SLC35F3: variants seen among roughly 807,000 people sequenced by gnomAD.
SLC35F3 encodes the protein putative thiamine transporter SLC35F3.
SLC35F3 carries 25 observed loss-of-function variants against 49.9 expected under a neutral mutation model. The observed-to-expected ratio is 0.50, with a 90% confidence interval of 0.37 to 0.70. The LOEUF is 0.70. Among genes scored for constraint, SLC35F3 ranks in the 30% least tolerant of loss-of-function variants. SLC35F3 has a pLI of 0.00. For synonymous variants in SLC35F3, 275 were observed against 265.4 expected (o/e 1.04, Z -0.35); for missense variants, 525 against 639.8 (o/e 0.82, Z 1.94).
intron 3 of SLC35F3, among the ~76,000 whole-genome samples, chr1:234,265,451 G>A (rs1457531226): frequency 1.3e-5 from 2 of 151,786 alleles, no homozygotes; most frequent in African/African-American, 4.8e-5. Flanking sequence ...GGGATTATAG[G>A]TGTGAGCCAC....
At chr1:234,247,457 T>G (rs1022836153) in intron 3 of SLC35F3, among the ~76,000 whole-genome samples, 10 of 151,944 alleles carry the variant, frequency 6.6e-5, no homozygotes, top group Non-Finnish European at 1.5e-5. Context: ...GTGGGTTGGT[T>G]GGTTGGTTGG....
At chr1:234,165,036 ATTTGTG>A (rs1431347296) in intron 2 of SLC35F3, among the ~76,000 whole-genome samples, 5 of 103,550 alleles carry the variant, frequency 4.8e-5, no homozygotes, top group South Asian at 3.5e-4. Flanking sequence ...TCTAGCTTCA[ATTTGTG>A]TGTGTGTGTG....
chr1:234,296,743 G>C (rs543368229), intron 3 of SLC35F3, among the ~76,000 whole-genome samples: 1 of 152,150 alleles, frequency 6.6e-6, no homozygotes, highest in African/African-American at 2.4e-5. Context: ...TAACCAGCTG[G>C]TCCCCAAAGA....
chr1:233,942,124 C>G (rs560284286), intron 2 of SLC35F3, among the ~76,000 whole-genome samples: 172 of 152,040 alleles, frequency 1.1e-3, no homozygotes, highest in Admixed American at 3.9e-3. Context: ...CCACACCCAG[C>G]TAATTTTTTG....
intron 2 of SLC35F3, among the ~76,000 whole-genome samples, chr1:234,005,521 C>G (rs985871920): frequency 6.6e-6 from 1 of 152,148 alleles, no homozygotes; most frequent in African/African-American, 2.4e-5. Flanking sequence ...GCTGCTGCTG[C>G]TGACGACAAA....
chr1:234,173,330 G>A (rs1209213341), intron 2 of SLC35F3, among the ~76,000 whole-genome samples: 1 of 152,212 alleles, frequency 6.6e-6, no homozygotes, highest in African/African-American at 2.4e-5. Context: ...AGCCCTGAAA[G>A]GTAGACACTC....
chr1:233,967,224 G>A (rs768823087), intron 2 of SLC35F3, among the ~76,000 whole-genome samples: 9 of 151,808 alleles, frequency 5.9e-5, no homozygotes, highest in Admixed American at 4.6e-4. Context: ...TATCATAGAC[G>A]CATTTCAATG....
At chr1:234,166,230 C>G (rs971318309) in intron 2 of SLC35F3, among the ~76,000 whole-genome samples, 1 of 152,006 alleles carries the variant, frequency 6.6e-6, no homozygotes, top group African/African-American at 2.4e-5. Flanking sequence ...ACCTCCTGTC[C>G]CCACACAGAC....
rs551470518 is a variant in SLC35F3 at position 233,907,062 on chromosome 1, AAAATT to A, written c.283+1308_283+1312del. ...GAAAAACCCTGGGCATGGGATAACA[AAAATT>A]AAACCCCATTGGAAACCATATTTCT... is the stretch of plus-strand genomic sequence containing the variant. On this transcript the variant is annotated intron_variant, in intron 2 of 7. Transcript: ENST00000366618. Among the ~76,000 whole-genome samples, 150 of 152,314 alleles carry A rather than the reference AAAATT, an allele frequency of 9.8e-4. 1 individual carries two copies. The highest frequency in any genetic ancestry group is 3.5e-3 in the African/African-American group (144 of 41,558).
chr1:234,214,256 G>T lies in SLC35F3; in HGVS notation c.284-17161G>T. The stretch of plus-strand genomic sequence containing the variant: ...AACCTCCAAGTAGGAGGCTGTGCGC[G>T]CGTGTGTGTGGAGTGGCTGCGCGGC... On this transcript the variant is annotated intron_variant, in intron 2 of 7. Transcript: ENST00000366618. The surrounding 1 kb of genome is among the most constrained non-coding windows in gnomAD (Gnocchi z 8.0). The T allele has an allele frequency of 8.0e-7, 1 of 1,249,834 alleles. No homozygotes were observed. Among genetic ancestry groups the T allele is most frequent in the Non-Finnish European group, 1.0e-6 (1 of 999,206 alleles). The allele number at this position is 1,249,834 out of a possible 1,614,324, so 77.4% of individuals were successfully genotyped here. A position where few individuals can be genotyped will look rare whatever the true frequency, so the allele number is the denominator to read the frequency against.
chr1:233,960,033 CT>C, intron 2 of SLC35F3, among the ~76,000 whole-genome samples: 1 of 152,334 alleles, frequency 6.6e-6, no homozygotes, highest in Non-Finnish European at 1.5e-5. Flanking sequence ...GCCTTTCTAT[CT>C]TCCTGCCTCC....
At chr1:233,955,083 A>G (rs1248376428) in intron 2 of SLC35F3, among the ~76,000 whole-genome samples, 1 of 152,052 alleles carries the variant, frequency 6.6e-6, no homozygotes, top group Non-Finnish European at 1.5e-5. Context: ...AACTCAGGTG[A>G]TCCACCTGCC....
At chr1:233,983,735 TA>T (rs1349657015) in intron 2 of SLC35F3, among the ~76,000 whole-genome samples, 1 of 152,076 alleles carries the variant, frequency 6.6e-6, no homozygotes, top group African/African-American at 2.4e-5. Context: ...AACTTCAAAT[TA>T]AAGTGAAATC....
intron 3 of SLC35F3, among the ~76,000 whole-genome samples, chr1:234,281,863 A>G (rs7555965): frequency 0.016 from 2,375 of 151,980 alleles, 52 homozygotes; most frequent in African/African-American, 0.055. Context: ...CATTGTGAAG[A>G]CCCAACCAAC....
intron 2 of SLC35F3, among the ~76,000 whole-genome samples, chr1:233,999,654 C>T (rs1050744386): frequency 6.6e-6 from 1 of 152,128 alleles, no homozygotes; most frequent in Non-Finnish European, 1.5e-5. Flanking sequence ...TACTGAGACT[C>T]TATCCCCCAG....
At position 234,100,902 on chromosome 1, in the gene SLC35F3, A is replaced by G. The variant is rs569268250; in HGVS notation, c.284-130515A>G. 1.8e-4 allele frequency among the ~76,000 whole-genome samples: 27 copies of G among 152,280 alleles called. 1 individual carries two copies. In the South Asian group the frequency reaches 5.0e-3, roughly 28 times the overall value. On this transcript the variant is annotated intron_variant, in intron 2 of 7. Coordinates refer to ENST00000366618, the MANE Select transcript of SLC35F3 (RefSeq NM_173508.4). The stretch of plus-strand genomic sequence containing the variant: ...ACTTTGTGATTCATGCCTCGATTGC[A>G]TATACACAGTGTTTTCCGGAGCTCT...
At chr1:234,087,707 C>G (rs1572046969) in intron 2 of SLC35F3, among the ~76,000 whole-genome samples, 1 of 152,314 alleles carries the variant, frequency 6.6e-6, no homozygotes, top group Non-Finnish European at 1.5e-5. Context: ...TCAACCCACC[C>G]AGAAACAAAT....
intron 3 of SLC35F3, among the ~76,000 whole-genome samples, chr1:234,236,939 A>ATATATATATG (rs1230359546): frequency 1.0e-5 from 1 of 99,356 alleles, no homozygotes; most frequent in African/African-American, 3.8e-5. Context: ...ATATATATAT[A>ATATATATATG]TATATATATA....
In SLC35F3 at chr1:234,032,547, T is replaced by G. The variant is rs115104310; in HGVS notation, c.283+126789T>G. 3.1e-3 allele frequency among the ~76,000 whole-genome samples: 470 copies of G among 152,292 alleles called. 2 individuals are homozygous for G. Among genetic ancestry groups the G allele is most frequent in the Non-Finnish European group, 4.6e-3 (316 of 68,026 alleles). Reference sequence around the variant, plus strand: ...CCCCGATCCCCAAAGTCCCTTGTATTATTCTTATGCCTTTATGTCCTCATA... The same window carrying G: ...CCCCGATCCCCAAAGTCCCTTGTATGATTCTTATGCCTTTATGTCCTCATA... On this transcript the variant is annotated intron_variant, in intron 2 of 7. Transcript: ENST00000366618.
Sources: gnomAD v4.1 joint callset for allele counts (sites outside exome capture counted in the v4.1 genomes callset) on GRCh38, gnomAD v4.1.1 for gene constraint, Gnocchi (gnomAD v3.1) non-coding constraint, MANE v1.5 for transcripts, NCBI Gene and HGNC (gene_info 2026-07-23, HGNC 2026-07-21) for gene names.